Variants in FLNB observed in about 807,000 individuals in gnomAD.
FLNB encodes the protein filamin-B.
FLNB carries 111 observed loss-of-function variants against 250.6 expected under a neutral mutation model. The observed-to-expected ratio is 0.44, with a 90% CI of 0.38 to 0.52. The LOEUF (loss-of-function observed/expected upper bound fraction) is 0.52, where lower values mean the gene tolerates loss of function less well. Ranked by LOEUF, FLNB falls within the 20% of genes least tolerant of loss-of-function variation. FLNB has a pLI of 0.00. For synonymous variants in FLNB, 1,302 were observed against 1,372.1 expected (o/e 0.95, Z 1.13); for missense variants, 2,869 against 3,447.8 (o/e 0.83, Z 4.20).
intron 12 of FLNB, 41 bp from the exon 13 acceptor site, chr3:58,108,417 G>T (rs975860740): frequency 4.7e-6 from 6 of 1,278,566 alleles, no homozygotes; most frequent in Non-Finnish European, 6.8e-6. Context: ...TTTAGTTGGG[G>T]CATTACACAG....
At chr3:58,036,721 GA>G (rs1476823144) in intron 1 of FLNB, among the ~76,000 whole-genome samples, 10 of 152,332 alleles carry the variant, frequency 6.6e-5, no homozygotes, top group Admixed American at 3.3e-4. Context: ...CCCAAGGCAA[GA>G]AGAGGGTCTT....
chr3:58,087,828 C>T (rs775019833), intron 4 of FLNB, among the ~76,000 whole-genome samples: 43 of 149,884 alleles, frequency 2.9e-4, no homozygotes, highest in Non-Finnish European at 5.5e-4. Flanking sequence ...GCAACCTCTG[C>T]CTCCTGGATT....
intron 34 of FLNB, among the ~76,000 whole-genome samples, chr3:58,147,962 A>G (rs2097338322): frequency 6.6e-6 from 1 of 152,220 alleles, no homozygotes; most frequent in African/African-American, 2.4e-5. Context: ...TTCCTTTAAA[A>G]TGTGGTCCAT....
At chr3:58,103,265 G>GGGGTGTGTGTGTGTGTGT (rs1553696877) in intron 9 of FLNB, among the ~76,000 whole-genome samples, 3 of 148,064 alleles carry the variant, frequency 2.0e-5, no homozygotes, top group Admixed American at 6.7e-5. Flanking sequence ...AGCCAAGGAG[G>GGGGTGTGTGTGTGTGTGT]GTGTGTGTGT....
At position 58,121,464 on chromosome 3, in the gene FLNB, C is replaced by T; in HGVS notation, c.3087C>T (p.Pro1029=). ...TYDGHPVPGS[P]YTVEASLPPD... ...ATGGACACCCTGTGCCCGGGAGCCC[C>T]TACACAGTGGAGGCCTCGCTGCCAC... The change falls in exon 20 of 46, where the codon CCC becomes CCT. Residue 1029 remains proline, a synonymous_variant. Transcript: ENST00000295956. 5 of 1,614,134 alleles carry T rather than the reference C, an allele frequency of 3.1e-6. No homozygotes were observed. The highest frequency in any genetic ancestry group is 4.2e-6 in the Non-Finnish European group (5 of 1,180,022).
At chr3:58,150,945 A>G (rs9867527) in intron 38 of FLNB, 2,484 of 153,310 alleles carry the variant, frequency 0.016, 69 homozygotes, top group African/African-American at 0.056. Flanking sequence ...TCTACACTGC[A>G]TCTCCCATCC....
intron 14 of FLNB, 57 bp downstream of exon 14, chr3:58,109,379 G>C: frequency 6.3e-7 from 1 of 1,591,652 alleles, no homozygotes; most frequent in Non-Finnish European, 8.6e-7. Context: ...CATACACCAG[G>C]TCTGGGATCC....
chr3:58,031,141 T>C (rs1469785773), intron 1 of FLNB, among the ~76,000 whole-genome samples: 1 of 152,170 alleles, frequency 6.6e-6, no homozygotes, highest in South Asian at 2.1e-4. Context: ...GGCTTTCAAC[T>C]CTTTGTAGTG....
chr3:58,065,141 T>C (rs1388670726), intron 1 of FLNB, among the ~76,000 whole-genome samples: 1 of 152,162 alleles, frequency 6.6e-6, no homozygotes, highest in Non-Finnish European at 1.5e-5. Flanking sequence ...CTGTGCCCTG[T>C]GTTTATATGG....
At chr3:58,078,639 G>A (rs1361877105) in intron 2 of FLNB, 78 bp from the exon 3 acceptor site, 1 of 1,505,472 alleles carries the variant, frequency 6.6e-7, no homozygotes, top group Admixed American at 1.9e-5. Context: ...GAAAAAATGG[G>A]GTTAGTTTAG....
At chr3:58,104,223 G>A (rs551134700) in intron 10 of FLNB, 138 bp downstream of exon 10, 3 of 799,254 alleles carry the variant, frequency 3.8e-6, no homozygotes, top group African/African-American at 1.8e-5. Flanking sequence ...TTTCGGAGCA[G>A]CACAGACATT....
intron 4 of FLNB, among the ~76,000 whole-genome samples, chr3:58,090,850 G>T (rs1342747405): frequency 6.6e-6 from 1 of 152,088 alleles, no homozygotes; most frequent in African/African-American, 2.4e-5. Flanking sequence ...GGTGGGCGAT[G>T]GGCGGATCAT....
chr3:58,170,398 G>A (rs1225525993), intron 45 of FLNB, 177 bp from the exon 46 acceptor site: 3 of 634,232 alleles, frequency 4.7e-6, no homozygotes, highest in Non-Finnish European at 8.5e-6. Context: ...GCAGGGCAGG[G>A]ATTCGAACCC....
intron 10 of FLNB, 65 bp downstream of exon 10, chr3:58,104,150 A>T (rs1522386): frequency 6.4e-7 from 1 of 1,559,772 alleles, no homozygotes; most frequent in Non-Finnish European, 8.8e-7. Context: ...ACTCATGGGT[A>T]GTTGCTTCCC....
chr3:58,064,426 T>G (rs555470411), intron 1 of FLNB, among the ~76,000 whole-genome samples: 152 of 152,238 alleles, frequency 1.0e-3, no homozygotes, highest in African/African-American at 3.5e-3. Context: ...CCTCCTAAAG[T>G]GCTGGCATTA....
chr3:58,089,943 C>A (rs552929689), intron 4 of FLNB, among the ~76,000 whole-genome samples: 1 of 152,006 alleles, frequency 6.6e-6, no homozygotes, highest in East Asian at 1.9e-4. Context: ...CCCACCACCA[C>A]TTCTGGCTAA....
chr3:58,024,573 C>T (rs1718459), intron 1 of FLNB, among the ~76,000 whole-genome samples: 117,118 of 152,010 alleles, frequency 0.77, 46,280 homozygotes, highest in East Asian at 0.94. Flanking sequence ...CAGAAATAGG[C>T]CAAAGATACC....
intron 24 of FLNB, among the ~76,000 whole-genome samples, chr3:58,129,927 T>C (rs2097303999): frequency 2.0e-5 from 3 of 152,214 alleles, no homozygotes; most frequent in Admixed American, 2.0e-4. Context: ...AGCACTTCTC[T>C]AGCAAATCAC....
At chr3:58,133,464 A>AG (rs2097311182) in intron 26 of FLNB, among the ~76,000 whole-genome samples, 1 of 147,180 alleles carries the variant, frequency 6.8e-6, no homozygotes, top group African/African-American at 2.5e-5. Flanking sequence ...AAAAAAAAAA[A>AG]AGCAATAGTA....
Sources: gnomAD v4.1 joint callset for allele counts (sites outside exome capture counted in the v4.1 genomes callset) on GRCh38, gnomAD v4.1.1 for gene constraint, MANE v1.5 for transcripts, NCBI Gene and HGNC (gene_info 2026-07-23, HGNC 2026-07-21) for gene names.